The following TMCO4 variants were observed in gnomAD, a reference collection of about 807,000 sequenced individuals.
TMCO4 encodes the protein transmembrane and coiled-coil domain-containing protein 4.
In TMCO4, 58 loss-of-function variants were observed where a neutral mutation model predicts 64.7. The ratio of observed to expected loss-of-function variants is 0.90; its 90% CI spans 0.73 to 1.12. The LOEUF (loss-of-function observed/expected upper bound fraction) is 1.12, where lower values mean the gene tolerates loss of function less well. Among genes scored for constraint, TMCO4 ranks in the 50% most tolerant of loss-of-function variants. The probability of loss-of-function intolerance (pLI) is 0.00; values close to 1 mark genes in which losing one functional copy is unlikely to be tolerated. For synonymous variants in TMCO4, 325 were observed against 346.1 expected (o/e 0.94, Z 0.68); for missense variants, 780 against 825.9 (o/e 0.94, Z 0.68).
At chr1:19,784,407 G>A (rs2043631216) in intron 3 of TMCO4, among the ~76,000 whole-genome samples, 1 of 152,128 alleles carries the variant, frequency 6.6e-6, no homozygotes, top group Non-Finnish European at 1.5e-5. Context: ...GGTTGGGTGT[G>A]CCTGTAATCC....
intron 13 of TMCO4, among the ~76,000 whole-genome samples, chr1:19,722,592 T>G (rs7539563): frequency 0.76 from 116,017 of 152,096 alleles, 44,626 homozygotes; most frequent in East Asian, 0.82. Flanking sequence ...TCTGGGTAAT[T>G]ATGAGCACCC....
chr1:19,788,124 A>G (rs959111506), intron 2 of TMCO4, among the ~76,000 whole-genome samples: 10 of 152,258 alleles, frequency 6.6e-5, no homozygotes, highest in Middle Eastern at 3.4e-3. Flanking sequence ...TGGGGTTTTT[A>G]TTAAGTTATC....
chr1:19,683,209 G>T lies in TMCO4; in HGVS notation c.1736C>A (p.Pro579His). 1 of 1,614,218 alleles carries T rather than the reference G, an allele frequency of 6.2e-7. No homozygotes were observed. Among genetic ancestry groups the T allele is most frequent in the Non-Finnish European group, 8.5e-7 (1 of 1,180,038 alleles). ...CCCTACTGGCACCTGGGCTTGGCTG[G>T]GGTCTGTGGACATGGCCAATTTGGA... ...DTSKLAMSTD[P>H]SQAQVPVGLD... is the part of the protein sequence containing the mutation. The change falls in exon 16 of 16, where the codon CCC becomes CAC. Residue 579 changes from proline (P) to histidine (H), a missense_variant. Transcript: ENST00000294543.
In TMCO4 at chr1:19,694,511, C is replaced by A; in HGVS notation, c.1423G>T (p.Val475Leu). Residue 475 changes from valine (V) to leucine (L), a missense_variant, in exon 15 of 16, where the codon GTG becomes TTG. Physicochemically the swap from Val to Leu is conservative, Grantham distance 32 (BLOSUM62 1). Coordinates refer to ENST00000294543, the MANE Select transcript of TMCO4 (RefSeq NM_181719.7). ...LLSFVYRTSS[V>L]QLRVAGLQPV... is the part of the protein sequence containing the mutation. ...TGTAGGCCGGCGACACGGAGCTGCA[C>A]CGAGGATGTGCGGTACACGAAACTC... 1 of 1,614,130 alleles carries A rather than the reference C, an allele frequency of 6.2e-7. No homozygotes were observed. The highest frequency in any genetic ancestry group is 8.5e-7 in the Non-Finnish European group (1 of 1,179,980).
At chr1:19,714,126 G>A (rs4345827) in intron 13 of TMCO4, among the ~76,000 whole-genome samples, 52,988 of 151,904 alleles carry the variant, frequency 0.35, 9,883 homozygotes, top group Non-Finnish European at 0.41. Context: ...TAGTAGAAAC[G>A]GGTTTTCACC....
At chr1:19,769,804 A>G (rs1421998307) in intron 6 of TMCO4, among the ~76,000 whole-genome samples, 1 of 151,926 alleles carries the variant, frequency 6.6e-6, no homozygotes, top group African/African-American at 2.4e-5. Flanking sequence ...AATGGTAGAC[A>G]GCAGTGGTCT....
intron 7 of TMCO4, among the ~76,000 whole-genome samples, chr1:19,752,917 G>A (rs2042083898): frequency 6.6e-6 from 1 of 151,378 alleles, no homozygotes; most frequent in Admixed American, 6.6e-5. Flanking sequence ...TGCTGGCAAC[G>A]TTCTTACGAT....
rs552207817 is a variant in TMCO4, at chr1:19,752,349, C to T, written c.515+3285G>A. The stretch of plus-strand genomic sequence containing the variant: ...CACGGTCATGCTGAAAAGGCAGAAG[C>T]GAACCTGAGCTGCCCAAAGACAAAG... On this transcript the variant is annotated intron_variant, in intron 7 of 15. Coordinates refer to ENST00000294543, the MANE Select transcript of TMCO4 (RefSeq NM_181719.7). Among the ~76,000 whole-genome samples, 8 of 152,260 alleles carry T rather than the reference C, an allele frequency of 5.3e-5. No homozygotes were observed. In the South Asian group the frequency reaches 1.5e-3, roughly 28 times the overall value.
intron 13 of TMCO4, among the ~76,000 whole-genome samples, chr1:19,709,210 C>G (rs955956641): frequency 6.6e-6 from 1 of 152,036 alleles, no homozygotes; most frequent in South Asian, 2.1e-4. Flanking sequence ...AATGACTAAA[C>G]CTTCATCTCT....
rs138049426 is a variant in TMCO4, at chr1:19,712,610, A to G, written c.1265-11725T>C. Among the ~76,000 whole-genome samples the G allele has an allele frequency of 9.9e-3, 1,437 of 144,602 alleles. 29 individuals carry two copies. Among genetic ancestry groups the G allele is most frequent in the South Asian group, 0.074 (328 of 4,462 alleles). 94.9% of individuals were successfully genotyped at this position (144,602 alleles called of 152,430 possible). On this transcript the variant is annotated intron_variant, in intron 13 of 15. Coordinates refer to ENST00000294543, the MANE Select transcript of TMCO4 (RefSeq NM_181719.7). ...ACTCCAGCCTGGGCAACAGAGCGAG[A>G]CTCCGTCTCAAAAAAAAAAAAAAAG...
At chr1:19,777,648 C>T (rs1250634405) in intron 4 of TMCO4, among the ~76,000 whole-genome samples, 1 of 152,150 alleles carries the variant, frequency 6.6e-6, no homozygotes, top group Non-Finnish European at 1.5e-5. Context: ...GCGCCCAGCG[C>T]CAAAAACCTC....
intron 10 of TMCO4, among the ~76,000 whole-genome samples, chr1:19,742,178 C>A (rs1410210487): frequency 6.6e-6 from 1 of 152,170 alleles, no homozygotes; most frequent in Non-Finnish European, 1.5e-5. Flanking sequence ...CACGGGGAAG[C>A]CTTCCCGGCT....
chr1:19,767,875 T>A (rs1023077781), intron 6 of TMCO4, among the ~76,000 whole-genome samples: 11 of 152,030 alleles, frequency 7.2e-5, no homozygotes, highest in African/African-American at 2.7e-4. Context: ...GTGGATCACT[T>A]GTGGTCAGGA....
chr1:19,685,155 T>A (rs998026241), intron 15 of TMCO4, among the ~76,000 whole-genome samples: 2 of 152,142 alleles, frequency 1.3e-5, no homozygotes, highest in African/African-American at 4.8e-5. Context: ...GGAAACCCTG[T>A]CTCTACAAAA....
chr1:19,725,061 T>C (rs1420332475), intron 13 of TMCO4, among the ~76,000 whole-genome samples: 2 of 152,162 alleles, frequency 1.3e-5, no homozygotes, highest in African/African-American at 4.8e-5. Flanking sequence ...TTCTTTCATG[T>C]CATTCTCAGC....
At chr1:19,739,758 T>C (rs533784675) in intron 12 of TMCO4, 66 bp downstream of exon 12, 2 of 1,566,592 alleles carry the variant, frequency 1.3e-6, no homozygotes, top group Admixed American at 1.8e-5. Context: ...CTGATATCTG[T>C]GAACAAGTCA....
chr1:19,724,477 G>A (rs2095399999), intron 13 of TMCO4, among the ~76,000 whole-genome samples: 1 of 152,150 alleles, frequency 6.6e-6, no homozygotes, highest in African/African-American at 2.4e-5. Flanking sequence ...CTCCTTATAG[G>A]CAAAATGGGA....
In TMCO4 at chr1:19,709,038, C is replaced by T. The variant is rs888886441; in HGVS notation, c.1265-8153G>A. Among the ~76,000 whole-genome samples, 6 of 152,054 alleles carry T rather than the reference C, an allele frequency of 3.9e-5. No homozygotes were observed. The South Asian group carries it at 6.2e-4, about 16-fold the overall frequency. On this transcript the variant is annotated intron_variant, in intron 13 of 15. Transcript: ENST00000294543. ...GATACACACGTGCACATGATAGACA[C>T]GTAGAGAGAGGCCACAGAAGGGAGG... is the stretch of plus-strand genomic sequence containing the variant.
intron 2 of TMCO4, among the ~76,000 whole-genome samples, chr1:19,788,565 ATAATT>A (rs1309125814): frequency 1.3e-5 from 2 of 152,328 alleles, no homozygotes; most frequent in African/African-American, 2.4e-5. Flanking sequence ...CAGAAAAAAA[ATAATT>A]TAAAATTACA....
Sources: allele counts gnomAD v4.1 joint callset (sites outside exome capture counted in the v4.1 genomes callset), GRCh38; gene constraint gnomAD v4.1.1; transcripts MANE v1.5; gene names NCBI Gene and HGNC (gene_info 2026-07-23, HGNC 2026-07-21).